Variants in TMEM156 observed in about 807,000 individuals in gnomAD.
TMEM156 encodes transmembrane protein 156.
A neutral mutation model predicts 30.5 loss-of-function variants in TMEM156; 28 were observed. That is an observed-to-expected ratio of 0.92 (90% CI 0.68 to 1.26). The LOEUF is 1.26. Ranked by LOEUF, TMEM156 falls within the 50% of genes most tolerant of loss-of-function variation. The probability of loss-of-function intolerance (pLI) is 0.00; values close to 1 mark genes in which losing one functional copy is unlikely to be tolerated. For missense variants in TMEM156, 351 were observed against 340.6 expected (o/e 1.03, Z -0.24); for synonymous variants, 137 against 119.9 (o/e 1.14, Z -0.93).
chr4:39,027,758 C>CTTTTT (rs112766367), intron 1 of TMEM156, among the ~76,000 whole-genome samples: 1 of 120,794 alleles, frequency 8.3e-6, no homozygotes, highest in Non-Finnish European at 1.7e-5. Flanking sequence ...TTTTCTTTTT[C>CTTTTT]TTTTTTTTTT....
At chr4:39,030,946 G>A (rs889547283) in intron 1 of TMEM156, among the ~76,000 whole-genome samples, 3 of 152,162 alleles carry the variant, frequency 2.0e-5, no homozygotes, top group Non-Finnish European at 4.4e-5. Context: ...CCAAATTGTA[G>A]TCATAGTGTT....
intron 6 of TMEM156, among the ~76,000 whole-genome samples, chr4:38,969,245 C>G (rs1449091423): frequency 6.6e-6 from 1 of 152,194 alleles, no homozygotes; most frequent in African/African-American, 2.4e-5. Flanking sequence ...CCACAACTTA[C>G]CTTTCCCAGT....
intron 5 of TMEM156, among the ~76,000 whole-genome samples, chr4:38,978,657 A>T (rs1723017376): frequency 6.6e-6 from 1 of 152,176 alleles, no homozygotes; most frequent in African/African-American, 2.4e-5. Context: ...ACACAGACAC[A>T]CAAATTCATC....
At chr4:39,002,749 T>C (rs1039820313) in intron 1 of TMEM156, among the ~76,000 whole-genome samples, 5 of 149,980 alleles carry the variant, frequency 3.3e-5, no homozygotes, top group African/African-American at 1.2e-4. Flanking sequence ...ATGGATGAAA[T>C]TGGAAATCAT....
chr4:38,983,142 A>T (rs1033966495), intron 5 of TMEM156, among the ~76,000 whole-genome samples: 3 of 152,154 alleles, frequency 2.0e-5, no homozygotes, highest in Admixed American at 1.3e-4. Context: ...CTGACATGCA[A>T]CTTGGACTGT....
At chr4:38,974,952 C>A (rs1722777056) in intron 5 of TMEM156, among the ~76,000 whole-genome samples, 3 of 152,242 alleles carry the variant, frequency 2.0e-5, no homozygotes, top group Admixed American at 6.5e-5. Flanking sequence ...GGATTGCAGG[C>A]ATGAGCCACC....
In TMEM156 at chr4:39,004,614, G is replaced by A. The variant is rs112326682; in HGVS notation, c.89-5705C>T. On this transcript the variant is annotated intron_variant, in intron 1 of 6. Coordinates refer to ENST00000381938, the MANE Select transcript of TMEM156 (RefSeq NM_024943.3). ...GATTTGCTTTTACTTTGCTTAACATGTTTTAGTCATGTTGATACATAGAGC... is the reference window on the plus strand; with the variant it reads ...GATTTGCTTTTACTTTGCTTAACATATTTTAGTCATGTTGATACATAGAGC... 8.1e-3 allele frequency among the ~76,000 whole-genome samples: 1,239 copies of A among 152,086 alleles called. 14 individuals are homozygous for A. The highest frequency in any genetic ancestry group is 0.028 in the African/African-American group (1,175 of 41,518).
chr4:38,988,963 A>G lies in TMEM156; in HGVS notation c.627T>C (p.Thr209=). 2 of 1,610,652 alleles carry G rather than the reference A, an allele frequency of 1.2e-6. No homozygotes were observed. Among genetic ancestry groups the G allele is most frequent in the Non-Finnish European group, 1.7e-6 (2 of 1,178,076 alleles). The stretch of plus-strand genomic sequence containing the variant: ...TATACCAAGTGATCTTCATGGAACA[A>G]GTGATATCTGTAAAGAAAACAAATA... ...LHLEMDIKNI[T]CSMKITWYIL... Residue 209 remains threonine (T), a synonymous_variant, in exon 4 of 7, where the codon ACT becomes ACC. Transcript: ENST00000381938.
chr4:38,998,951 T>C, intron 1 of TMEM156, 42 bp from the exon 2 acceptor site: 4 of 1,545,664 alleles, frequency 2.6e-6, no homozygotes, highest in South Asian at 2.5e-5. Context: ...CTGTAAAGCT[T>C]TGAGTTTTTG....
intron 1 of TMEM156, among the ~76,000 whole-genome samples, chr4:39,025,873 A>C (rs1275293002): frequency 6.6e-6 from 1 of 152,246 alleles, no homozygotes; most frequent in East Asian, 1.9e-4. Flanking sequence ...CAAAAATATG[A>C]GGATAACACT....
chr4:38,997,778 G>T (rs981224357), intron 2 of TMEM156, among the ~76,000 whole-genome samples: 4 of 152,178 alleles, frequency 2.6e-5, no homozygotes, highest in Non-Finnish European at 4.4e-5. Context: ...TATTTATTCA[G>T]TTGTTCATTC....
chr4:38,972,570 T>C (rs1722658448), intron 5 of TMEM156, among the ~76,000 whole-genome samples: 2 of 151,784 alleles, frequency 1.3e-5, no homozygotes, highest in African/African-American at 2.4e-5. Context: ...CTTTTTTTTT[T>C]TTTCTGGGGA....
At chr4:38,999,122 T>TA (rs1560372150) in intron 1 of TMEM156, among the ~76,000 whole-genome samples, 17 of 123,774 alleles carry the variant, frequency 1.4e-4, no homozygotes, top group Admixed American at 2.3e-4. Context: ...TTTTTTTTTT[T>TA]TTTTTTTTTT....
intron 5 of TMEM156, among the ~76,000 whole-genome samples, chr4:38,973,746 A>G (rs1722716178): frequency 1.3e-5 from 2 of 152,214 alleles, no homozygotes; most frequent in South Asian, 4.1e-4. Context: ...AAATGGCAGT[A>G]GTGGACACCC....
chr4:38,982,724 T>C (rs531820424), intron 5 of TMEM156, among the ~76,000 whole-genome samples: 6 of 152,308 alleles, frequency 3.9e-5, no homozygotes, highest in African/African-American at 1.4e-4. Context: ...ATTAGTTCTG[T>C]CCCTCTAGAG....
At chr4:39,024,407 C>T (rs1046827017) in intron 1 of TMEM156, among the ~76,000 whole-genome samples, 3 of 151,950 alleles carry the variant, frequency 2.0e-5, no homozygotes, top group Admixed American at 6.6e-5. Context: ...CAGGTGCACA[C>T]GAATGTCAAA....
rs1049366997 is a variant in TMEM156, at chr4:38,989,140, A to T, written c.620-170T>A. Among the ~76,000 whole-genome samples, 10 of 152,232 alleles carry T rather than the reference A, an allele frequency of 6.6e-5. No homozygotes were observed. The South Asian group carries it at 2.1e-3, about 31-fold the overall frequency. ...GCTCTCCTGAATTCTTTCTTGATAT[A>T]TGAAATGAAGGTATTATACGGGTAA... On this transcript the variant is annotated intron_variant, in intron 3 of 6. Coordinates refer to ENST00000381938, the MANE Select transcript of TMEM156 (RefSeq NM_024943.3).
intron 6 of TMEM156, among the ~76,000 whole-genome samples, chr4:38,970,215 TC>T (rs1375651509): frequency 6.6e-6 from 1 of 152,028 alleles, no homozygotes; most frequent in Admixed American, 6.6e-5. Flanking sequence ...TGGGTTTCTT[TC>T]CCCTTTAGTC....
At chr4:39,031,118 A>G (rs2110079174) in intron 1 of TMEM156, among the ~76,000 whole-genome samples, 1 of 152,348 alleles carries the variant, frequency 6.6e-6, no homozygotes, top group Admixed American at 6.5e-5. Flanking sequence ...GCAAATAATC[A>G]AATATGAGTT....
Sources: allele counts gnomAD v4.1 joint callset (sites outside exome capture counted in the v4.1 genomes callset), GRCh38; gene constraint gnomAD v4.1.1; transcripts MANE v1.5; gene names NCBI Gene and HGNC (gene_info 2026-07-23, HGNC 2026-07-21).